ZNF541: variants seen among roughly 807,000 people sequenced by gnomAD.
ZNF541 encodes the protein zinc finger protein 541.
In ZNF541, 23 loss-of-function variants were observed where a neutral mutation model predicts 123.5. That is an observed-to-expected ratio of 0.19 (90% CI 0.13 to 0.26). The LOEUF (loss-of-function observed/expected upper bound fraction) is 0.26. Ranked by LOEUF, ZNF541 falls within the 10% of genes least tolerant of loss-of-function variation. The pLI is 1.00. For missense variants in ZNF541, 1,612 were observed against 1,789.9 expected (o/e 0.90, Z 1.79); for synonymous variants, 751 against 754.5 (o/e 1.00, Z 0.08).
At position 47,544,499 on chromosome 19, in the gene ZNF541, G is replaced by A; in HGVS notation, c.2030C>T (p.Ala677Val). The A allele has an allele frequency of 6.4e-7, 1 of 1,551,678 alleles. No individual in the cohort carries two copies. Among genetic ancestry groups the A allele is most frequent in the Non-Finnish European group, 8.7e-7 (1 of 1,147,008 alleles). Residue 677 changes from alanine (A) to valine (V), a missense_variant, in exon 5 of 17, where the codon GCC becomes GTC. Physicochemically the swap from Ala to Val is moderately conservative, Grantham distance 64. This residue lies in a region of ZNF541 where 1,080 missense variants were observed against 1,013.8 expected (regional missense o/e 1.07). Coordinates refer to ENST00000391901, the MANE Select transcript of ZNF541 (RefSeq NM_001277075.3). ...PSRNPDISSL[A>V]KQLRSSKGTL... ...CCCTTTAGAGGATCGCAGCTGCTTG[G>A]CCAGAGAAGAGATGTCTGGATTCCT...
chr19:47,544,424 T>G lies in ZNF541; in HGVS notation c.2105A>C (p.Gln702Pro). 1.3e-6 allele frequency: 2 copies of G among 1,551,588 alleles called. No homozygotes were observed. The highest frequency in any genetic ancestry group is 1.7e-6 in the Non-Finnish European group (2 of 1,146,994). ...IFPSTGQRQTQLGGEEPPGAS... is the reference protein window; with the variant it reads ...IFPSTGQRQTPLGGEEPPGAS... ...TCCTGGTGGCTCCTCCCCACCTAACTGGGTCTGCCGTTGGCCTGTGGAGGG... is the reference window on the plus strand; with the variant it reads ...TCCTGGTGGCTCCTCCCCACCTAACGGGGTCTGCCGTTGGCCTGTGGAGGG... The change falls in exon 5 of 17, where the codon CAG (glutamine) becomes CCG (proline). Residue 702 changes from glutamine to proline, a missense_variant. Physicochemically the swap from Gln to Pro is moderately conservative, Grantham distance 76. Coordinates refer to ENST00000391901, the MANE Select transcript of ZNF541 (RefSeq NM_001277075.3).
chr19:47,571,086 G>C (rs527467131), intron 2 of ZNF541, among the ~76,000 whole-genome samples: 1 of 152,132 alleles, frequency 6.6e-6, no homozygotes, highest in Admixed American at 6.5e-5. Context: ...AGTGGTGGCC[G>C]GCAGGCATAT....
At chr19:47,548,568 GTT>G (rs1459970036) in intron 4 of ZNF541, among the ~76,000 whole-genome samples, 1 of 151,974 alleles carries the variant, frequency 6.6e-6, no homozygotes, top group Non-Finnish European at 1.5e-5. Context: ...ACACAGATCC[GTT>G]TTCCTCAGAC....
intron 14 of ZNF541, among the ~76,000 whole-genome samples, chr19:47,524,721 A>C (rs1969204851): frequency 6.6e-6 from 1 of 151,738 alleles, no homozygotes; most frequent in Admixed American, 6.6e-5. Context: ...AAAAAAAAAA[A>C]AAAAGAGTTA....
intron 5 of ZNF541, among the ~76,000 whole-genome samples, 157 bp downstream of exon 5, chr19:47,543,969 T>G (rs997512931): frequency 1.3e-5 from 2 of 152,140 alleles, no homozygotes; most frequent in Non-Finnish European, 2.9e-5. Context: ...CTTTTTTTTT[T>G]TAGTGGGGAA....
chr19:47,557,819 T>C lies in ZNF541; in HGVS notation c.-98-1865A>G, dbSNP rs145509009. Among the ~76,000 whole-genome samples the C allele has an allele frequency of 3.2e-3, 486 of 150,768 alleles. 2 individuals carry two copies. Among genetic ancestry groups the C allele is most frequent in the African/African-American group, 0.011 (455 of 40,920 alleles). ...TAAGAATCTACCTTACAGACCCTGG[T>C]CCAAAAAATGACTAAAAGTTTTGAA... is the stretch of plus-strand genomic sequence containing the variant. On this transcript the variant is annotated intron_variant, in intron 2 of 16. Transcript: ENST00000391901.
intron 10 of ZNF541, among the ~76,000 whole-genome samples, 196 bp downstream of exon 10, chr19:47,532,709 CATAT>C (rs34750623): frequency 6.7e-6 from 1 of 150,028 alleles, no homozygotes; most frequent in Non-Finnish European, 1.5e-5. Flanking sequence ...GGGGGATTTT[CATAT>C]ATATATATAT....
At chr19:47,522,727 T>C (rs1969094417) in intron 14 of ZNF541, among the ~76,000 whole-genome samples, 1 of 150,864 alleles carries the variant, frequency 6.6e-6, no homozygotes, top group African/African-American at 2.4e-5. Flanking sequence ...GCCCAGGTGT[T>C]CAAGGCTGCA....
At chr19:47,549,580 C>T in intron 3 of ZNF541, 95 bp from the exon 4 acceptor site, 5 of 1,498,388 alleles carry the variant, frequency 3.3e-6, no homozygotes, top group South Asian at 1.3e-5. Context: ...ACCATGGTGG[C>T]CTTGTAAGTG....
At chr19:47,550,111 G>T (rs2123220054) in intron 3 of ZNF541, among the ~76,000 whole-genome samples, 1 of 152,152 alleles carries the variant, frequency 6.6e-6, no homozygotes, top group East Asian at 1.9e-4. Context: ...AATTAGCTGG[G>T]CATGGTGGTG....
chr19:47,534,729 A>G lies in ZNF541; in HGVS notation c.3095-1757T>C, dbSNP rs896347407. Among the ~76,000 whole-genome samples the G allele has an allele frequency of 5.3e-5, 8 of 152,164 alleles. No individual in the cohort carries two copies. The South Asian group carries it at 8.3e-4, about 16-fold the overall frequency. ...GTAATCAAAACAGTGTGATACTGGC[A>G]TAAGGATAAGTATACAGATCAATAG... On this transcript the variant is annotated intron_variant, in intron 9 of 16. Transcript: ENST00000391901.
chr19:47,525,242 G>C (rs532434425), intron 14 of ZNF541, among the ~76,000 whole-genome samples: 1 of 150,166 alleles, frequency 6.7e-6, no homozygotes, highest in Non-Finnish European at 1.5e-5. Flanking sequence ...TGAAGAGCGC[G>C]CCACTGCACT....
chr19:47,563,833 T>C (rs985509053), intron 2 of ZNF541, among the ~76,000 whole-genome samples: 3 of 152,094 alleles, frequency 2.0e-5, no homozygotes, highest in Non-Finnish European at 4.4e-5. Context: ...CTCAAACTCC[T>C]GACCTCAGGT....
chr19:47,558,552 TAGAA>T (rs904602452), intron 2 of ZNF541, among the ~76,000 whole-genome samples: 1 of 152,032 alleles, frequency 6.6e-6, no homozygotes, highest in African/African-American at 2.4e-5. Flanking sequence ...GGCAAACTGC[TAGAA>T]AGATACAAAT....
rs1171095260 is a variant in ZNF541, at chr19:47,549,234, C to G, written c.548+11G>C. 6.4e-7 allele frequency: 1 copy of G among 1,551,926 alleles called. No individual in the cohort carries two copies. Among genetic ancestry groups the G allele is most frequent in the South Asian group, 1.2e-5 (1 of 84,058 alleles). ...CTGAACAGACGTTTTTCTGACCAGACTCCCACATACAGGTGGTCCTGGCGC... is the reference window on the plus strand; with the variant it reads ...CTGAACAGACGTTTTTCTGACCAGAGTCCCACATACAGGTGGTCCTGGCGC... On this transcript the variant is annotated intron_variant, in intron 4 of 16. Coordinates refer to ENST00000391901, the MANE Select transcript of ZNF541 (RefSeq NM_001277075.3).
intron 2 of ZNF541, among the ~76,000 whole-genome samples, chr19:47,569,087 T>A (rs546465112): frequency 5.3e-5 from 8 of 152,114 alleles, no homozygotes; most frequent in Non-Finnish European, 1.2e-4. Flanking sequence ...CCTTCCTATA[T>A]GGATTTCTGG....
rs563778832 is a variant in ZNF541 at position 47,521,047 on chromosome 19, G to A, written c.*177C>T. 48 of 719,348 alleles carry A rather than the reference G, an allele frequency of 6.7e-5. No homozygotes were observed. The East Asian group carries it at 9.0e-4, about 14-fold the overall frequency. 44.6% of individuals were successfully genotyped at this position (719,348 alleles called of 1,614,324 possible). On this transcript the variant is annotated 3_prime_UTR_variant, in exon 17 of 17. Coordinates refer to ENST00000391901, the MANE Select transcript of ZNF541 (RefSeq NM_001277075.3). The surrounding 1 kb of genome is among the most constrained non-coding windows in gnomAD (Gnocchi z 4.2). ...CCGGACAGGGACTGCATAGCTGTCCGACAACTGAGCTCCTCCTGCCTATCT... is the reference window on the plus strand; with the variant it reads ...CCGGACAGGGACTGCATAGCTGTCCAACAACTGAGCTCCTCCTGCCTATCT...
At chr19:47,541,223 GC>G (rs983244132) in intron 5 of ZNF541, among the ~76,000 whole-genome samples, 1 of 152,068 alleles carries the variant, frequency 6.6e-6, no homozygotes, top group Non-Finnish European at 1.5e-5. Flanking sequence ...TTTGAGACCA[GC>G]CTGGGCAACA....
chr19:47,555,002 G>A (rs1020215577), intron 3 of ZNF541, among the ~76,000 whole-genome samples: 1 of 151,374 alleles, frequency 6.6e-6, no homozygotes, highest in African/African-American at 2.4e-5. Flanking sequence ...GCTGAGGCAG[G>A]AGAATTGCTT....
Sources: gnomAD v4.1 joint callset for allele counts (sites outside exome capture counted in the v4.1 genomes callset) on GRCh38, gnomAD v4.1.1 for gene constraint, gnomAD v4.1.1 regional missense constraint, Gnocchi (gnomAD v3.1) non-coding constraint, MANE v1.5 for transcripts, NCBI Gene and HGNC (gene_info 2026-07-23, HGNC 2026-07-21) for gene names.